POMGNT1: variants seen among roughly 807,000 people sequenced by gnomAD.
POMGNT1 encodes protein O-linked-mannose beta-1,2-N-acetylglucosaminyltransferase 1.
Under a neutral mutation model 95.6 loss-of-function variants are expected in POMGNT1, and 67 were observed. The observed-to-expected ratio is 0.70, with a 90% CI of 0.58 to 0.86. The LOEUF (loss-of-function observed/expected upper bound fraction) is 0.86, where lower values mean the gene tolerates loss of function less well. Among genes scored for constraint, POMGNT1 ranks in the 40% least tolerant of loss-of-function variants. The pLI is 0.00. For synonymous variants in POMGNT1, 298 were observed against 317.9 expected (o/e 0.94, Z 0.66); for missense variants, 719 against 855.2 (o/e 0.84, Z 1.99).
In POMGNT1 at chr1:46,196,170, A is replaced by G; in HGVS notation, c.355-93T>C. 1 of 1,595,296 alleles carries G rather than the reference A, an allele frequency of 6.3e-7. No homozygotes were observed. Among genetic ancestry groups the G allele is most frequent in the Non-Finnish European group, 8.5e-7 (1 of 1,173,346 alleles). On this transcript the variant is annotated intron_variant, in intron 4 of 21. Coordinates refer to ENST00000371984, the MANE Select transcript of POMGNT1 (RefSeq NM_017739.4). The surrounding 1 kb of genome is among the most constrained non-coding windows in gnomAD (Gnocchi z 4.4). ...ACTTAAAACACCAGCTGCTTGAAAC[A>G]TCACCTCCTGCCTATGTTTCTGTTC...
upstream of POMGNT1, among the ~76,000 whole-genome samples, chr1:46,198,986 G>A (rs1658450734): frequency 6.6e-6 from 1 of 152,090 alleles, no homozygotes; most frequent in Non-Finnish European, 1.5e-5. Flanking sequence ...CTGTCGCCCA[G>A]GCTGGAGTGC....
upstream of POMGNT1, among the ~76,000 whole-genome samples, chr1:46,198,660 C>G (rs986540000): frequency 1.3e-5 from 2 of 152,170 alleles, no homozygotes; most frequent in Admixed American, 1.3e-4. Context: ...CAGCCCGCTC[C>G]CCAGCACCGC....
intron 1 of POMGNT1, among the ~76,000 whole-genome samples, chr1:46,214,351 G>GAA (rs57471712): frequency 5.5e-5 from 7 of 127,486 alleles, no homozygotes; most frequent in Non-Finnish European, 8.5e-5. Context: ...GTCTCAAAAA[G>GAA]AAAAAAAAAA....
rs866019841 is a variant in POMGNT1 at position 46,189,952 on chromosome 1, C to T, written c.1687G>A (p.Glu563Lys). The T allele has an allele frequency of 1.9e-6, 3 of 1,614,140 alleles. No homozygotes were observed. The highest frequency in any genetic ancestry group is 8.5e-7 in the Non-Finnish European group (1 of 1,180,024). Residue 563 changes from glutamate to lysine, a missense_variant, in exon 20 of 22, where the codon GAA becomes AAA. Glu to Lys is a moderately conservative substitution (Grantham distance 56). This residue lies in a region of POMGNT1 where 130 missense variants were observed against 149.2 expected (regional missense o/e 0.87). Coordinates refer to ENST00000371984, the MANE Select transcript of POMGNT1 (RefSeq NM_017739.4). ...EVLDHSKNPC[E>K]DSFLPDTEGH... is the part of the protein sequence containing the mutation. ...TCTGTGTCTGGCAGGAAAGAGTCTTCACAAGGGTTCTTGCTGTGGTCCAGA... is the reference window on the plus strand; with the variant it reads ...TCTGTGTCTGGCAGGAAAGAGTCTTTACAAGGGTTCTTGCTGTGGTCCAGA...
chr1:46,215,413 A>G (rs1659035865), intron 1 of POMGNT1, among the ~76,000 whole-genome samples: 1 of 152,202 alleles, frequency 6.6e-6, no homozygotes, highest in Non-Finnish European at 1.5e-5. Context: ...CAGTTTCCAG[A>G]TTGAAAAGGC....
chr1:46,219,848 C>G, exon 1 of POMGNT1: 4 of 1,614,076 alleles, frequency 2.5e-6, no homozygotes, highest in Non-Finnish European at 2.5e-6. Flanking sequence ...GCCTGACAGG[C>G]GGGAGCCCAG....
upstream of POMGNT1, among the ~76,000 whole-genome samples, chr1:46,202,920 G>GGTGTGTGTGTGTGTGT (rs10689850): frequency 8.8e-4 from 57 of 64,510 alleles, 1 homozygote; most frequent in African/African-American, 3.7e-3. Context: ...GGGGGGGGGT[G>GGTGTGTGTGTGTGTGT]GTGTGTGTGT....
Position 46,189,834 on chromosome 1 carries a change from TG to T in POMGNT1, c.1785+19del, listed in dbSNP as rs1278664000. On this transcript the variant is annotated intron_variant, in intron 20 of 21. Transcript: ENST00000371984. ...TGTGAGGGGGAGGGGTTCTCCAGGG[TG>T]GGCATGGTATTGGAGCACCTTGGCA... The T allele has an allele frequency of 6.2e-7, 1 of 1,613,252 alleles. No homozygotes were observed. Among genetic ancestry groups the T allele is most frequent in the Admixed American group, 1.7e-5 (1 of 59,996 alleles).
chr1:46,195,306 T>C (rs1244023982), intron 6 of POMGNT1, among the ~76,000 whole-genome samples: 3 of 152,178 alleles, frequency 2.0e-5, no homozygotes, highest in Admixed American at 6.5e-5. Context: ...ACCTTCCCAC[T>C]ATAGGGGCTT....
intron 1 of POMGNT1, among the ~76,000 whole-genome samples, chr1:46,215,082 C>T (rs766571092): frequency 2.6e-5 from 4 of 151,550 alleles, no homozygotes; most frequent in Non-Finnish European, 4.4e-5. Flanking sequence ...AAAAATTAGC[C>T]GGGTGTGGTG....
chr1:46,200,272 A>T (rs748777095), upstream of POMGNT1, among the ~76,000 whole-genome samples: 1 of 152,144 alleles, frequency 6.6e-6, no homozygotes, highest in Non-Finnish European at 1.5e-5. Context: ...TCATTCTCTC[A>T]TGACCTCTGT....
rs766907690 is a variant in POMGNT1, at chr1:46,197,752, T to C, written c.70A>G (p.Thr24Ala). The C allele has an allele frequency of 6.2e-7, 1 of 1,614,062 alleles. No individual in the cohort carries two copies. Among genetic ancestry groups the C allele is most frequent in the Non-Finnish European group, 8.5e-7 (1 of 1,180,012 alleles). The change falls in exon 2 of 22, where the codon ACC becomes GCC. Residue 24 changes from threonine to alanine, a missense_variant. By Grantham distance (58) the Thr-to-Ala change is moderately conservative. Coordinates refer to ENST00000371984, the MANE Select transcript of POMGNT1 (RefSeq NM_017739.4). ...TGGTTTGTCAGTTTATACTTCCAGG[T>C]AAGGTACCAGCTCCGCTTCTTCCGA... ...GARKKRSWYL[T>A]WKYKLTNQRA...
intron 19 of POMGNT1, 24 bp from the exon 20 acceptor site, chr1:46,190,013 T>C (rs778954334): frequency 2.5e-6 from 4 of 1,612,878 alleles, no homozygotes; most frequent in Non-Finnish European, 3.4e-6. Flanking sequence ...TGGGAGAATA[T>C]AGCCAAGACA....
In POMGNT1 at chr1:46,194,860, G is replaced by A. The variant is rs190057175; in HGVS notation, c.636C>T (p.Phe212=). The change falls in exon 7 of 22, where the codon TTC becomes TTT. Residue 212 remains phenylalanine (F), a synonymous_variant. Transcript: ENST00000371984. ...TGCCGGCACCTCCTTTTCGTCCCAC[G>A]AAGGCCCATGTGTCCCTCCAGCCCA... ...PALGWRDTWA[F]VGRKGGPVFG... The A allele has an allele frequency of 2.4e-5, 39 of 1,613,984 alleles. No individual in the cohort carries two copies. Among genetic ancestry groups the A allele is most frequent in the East Asian group, 4.5e-5 (2 of 44,860 alleles).
chr1:46,214,088 G>C (rs1658985445), intron 1 of POMGNT1, among the ~76,000 whole-genome samples: 1 of 152,192 alleles, frequency 6.6e-6, no homozygotes, highest in Admixed American at 6.5e-5. Context: ...GCTCAGGCCT[G>C]TAATCCCAAT....
rs556475790 is a variant in POMGNT1 at position 46,210,802 on chromosome 1, T to G, written c.-51+8903A>C. On this transcript the variant is annotated intron_variant, in intron 1 of 22. Transcript: ENST00000371992. Reference sequence around the variant, plus strand: ...CCTTTTTTTATTTTTTGAGACAAGGTCTGGTTCTGTTGCCCAGGTTGGAGT... The same window carrying G: ...CCTTTTTTTATTTTTTGAGACAAGGGCTGGTTCTGTTGCCCAGGTTGGAGT... 5.2e-4 allele frequency among the ~76,000 whole-genome samples: 79 copies of G among 152,232 alleles called. 1 individual carries two copies. Among genetic ancestry groups the G allele is most frequent in the African/African-American group, 1.9e-3 (77 of 41,540 alleles).
At chr1:46,219,374 G>A (rs1446060367) in intron 1 of POMGNT1, among the ~76,000 whole-genome samples, 1 of 151,962 alleles carries the variant, frequency 6.6e-6, no homozygotes, top group African/African-American at 2.4e-5. Flanking sequence ...AACATTTACT[G>A]AGACCTTCCT....
intron 1 of POMGNT1, among the ~76,000 whole-genome samples, chr1:46,210,753 G>A (rs1658867930): frequency 1.3e-5 from 2 of 152,074 alleles, no homozygotes; most frequent in South Asian, 2.1e-4. Context: ...CTACTTGGAC[G>A]CTCTCTGAAT....
At chr1:46,192,618 G>A in intron 14 of POMGNT1, 28 bp from the exon 15 acceptor site, 1 of 1,612,782 alleles carries the variant, frequency 6.2e-7, no homozygotes. Context: ...AAAGAGTTCA[G>A]GGAGGGACAA....
Sources: allele counts gnomAD v4.1 joint callset (sites outside exome capture counted in the v4.1 genomes callset), GRCh38; gene constraint gnomAD v4.1.1; regional missense constraint gnomAD v4.1.1; non-coding constraint Gnocchi (gnomAD v3.1); transcripts MANE v1.5; gene names NCBI Gene and HGNC (gene_info 2026-07-23, HGNC 2026-07-21).